Variants in NDUFV2 observed in about 807,000 individuals in gnomAD.
NDUFV2 encodes the protein NADH:ubiquinone oxidoreductase core subunit V2.
Under a neutral mutation model 31.6 loss-of-function variants are expected in NDUFV2, and 18 were observed. The observed-to-expected ratio is 0.57, with a 90% CI of 0.39 to 0.84. NDUFV2 has a LOEUF of 0.84. NDUFV2 is among the 40% of genes least tolerant of loss of function. The pLI is 0.00. For synonymous variants in NDUFV2, 83 were observed against 99.8 expected, an observed-to-expected ratio of 0.83 and a Z score of 1.01; for missense variants, 314 against 303.6, an observed-to-expected ratio of 1.03 and a Z score of -0.26.
chr18:9,119,926 C>T (rs899816762), intron 4 of NDUFV2, among the ~76,000 whole-genome samples: 31 of 151,572 alleles, frequency 2.0e-4, no homozygotes, highest in African/African-American at 7.5e-4. Flanking sequence ...AATATTTAAA[C>T]ACTAGAATTA....
intron 1 of NDUFV2, 148 bp downstream of exon 1, chr18:9,102,945 G>A: frequency 1.4e-6 from 1 of 727,560 alleles, no homozygotes; most frequent in Non-Finnish European, 2.1e-6. Context: ...CTCTTAGGGA[G>A]GCCGCTGCAG....
chr18:9,106,295 AC>A (rs1451571139), intron 1 of NDUFV2, among the ~76,000 whole-genome samples: 4 of 152,174 alleles, frequency 2.6e-5, no homozygotes, highest in Non-Finnish European at 5.9e-5. Flanking sequence ...TGAAGAAAAA[AC>A]AAAAACCTCA....
chr18:9,105,783 T>G (rs115993529), intron 1 of NDUFV2, among the ~76,000 whole-genome samples: 8 of 152,352 alleles, frequency 5.3e-5, no homozygotes, highest in African/African-American at 1.7e-4. Flanking sequence ...GACAGGCAAT[T>G]GTAAGTCAGC....
At chr18:9,106,985 G>GGGCCCA (rs1308311196) in intron 1 of NDUFV2, among the ~76,000 whole-genome samples, 1,584 of 152,242 alleles carry the variant, frequency 0.01, 36 homozygotes, top group African/African-American at 0.036. Context: ...GGCCCACCTA[G>GGGCCCA]ATAATCCAGG....
chr18:9,104,351 G>C lies in NDUFV2; in HGVS notation c.54+1554G>C, dbSNP rs139401813. ...GTCAGTGAAAGGTTTTAAAGTAGAG[G>C]AATAAGATGTGGTTTCTGTTTTGGA... On this transcript the variant is annotated intron_variant, in intron 1 of 7. Transcript: ENST00000318388. 179 of 1,498,572 alleles carry C rather than the reference G, an allele frequency of 1.2e-4. No individual in the cohort carries two copies. The African/African-American group carries it at 2.0e-3, about 16-fold the overall frequency. The allele number at this position is 1,498,572 out of a possible 1,614,324, so 92.8% of individuals were successfully genotyped here. A position where few individuals can be genotyped will look rare whatever the true frequency, so the allele number is the denominator to read the frequency against.
At chr18:9,114,974 G>A (rs2077890820) in intron 1 of NDUFV2, among the ~76,000 whole-genome samples, 1 of 152,038 alleles carries the variant, frequency 6.6e-6, no homozygotes, top group Non-Finnish European at 1.5e-5. Context: ...AATGAGAAAG[G>A]GATCAAATAT....
chr18:9,132,921 CT>C (rs915297127), intron 7 of NDUFV2, among the ~76,000 whole-genome samples: 10 of 151,918 alleles, frequency 6.6e-5, no homozygotes, highest in African/African-American at 1.9e-4. Context: ...ATACTGTTGT[CT>C]TTTTTTTAAA....
intron 1 of NDUFV2, among the ~76,000 whole-genome samples, chr18:9,117,159 C>A (rs2077902500): frequency 6.6e-6 from 1 of 151,990 alleles, no homozygotes; most frequent in South Asian, 2.1e-4. Context: ...GCCTAAGCCT[C>A]CCGAGTAGCT....
chr18:9,104,124 G>C (rs1207042846), intron 1 of NDUFV2: 3 of 1,611,138 alleles, frequency 1.9e-6, no homozygotes, highest in African/African-American at 2.7e-5. Flanking sequence ...CTAACAGATT[G>C]GGCATGGGGT....
intron 1 of NDUFV2, chr18:9,104,254 G>A (rs2077829950): frequency 5.6e-6 from 9 of 1,612,670 alleles, no homozygotes; most frequent in Non-Finnish European, 5.1e-6. Flanking sequence ...TGAAATAAGG[G>A]AGAGACAGGG....
Position 9,102,762 on chromosome 18 carries a change from C to G in NDUFV2, c.19C>G (p.Leu7Val), listed in dbSNP as rs771712491. The G allele has an allele frequency of 4.4e-6, 7 of 1,587,126 alleles. No homozygotes were observed. The East Asian group carries it at 1.6e-4, about 36-fold the overall frequency. The change falls in exon 1 of 8, where the codon CTC (leucine) becomes GTC (valine). Residue 7 changes from leucine (L) to valine (V), a missense_variant. Transcript: ENST00000318388. MFFSAA[L>V]RARAAGLTAH... Reference sequence around the variant, plus strand: ...GCCCGCCATGTTCTTCTCCGCGGCGCTCCGGGCCCGGGCGGCTGGCCTCAC... The same window carrying G: ...GCCCGCCATGTTCTTCTCCGCGGCGGTCCGGGCCCGGGCGGCTGGCCTCAC...
At chr18:9,129,400 A>G (rs986404393) in intron 7 of NDUFV2, among the ~76,000 whole-genome samples, 12 of 152,100 alleles carry the variant, frequency 7.9e-5, no homozygotes, top group Non-Finnish European at 1.0e-4. Context: ...TTTTTTCACA[A>G]ATTTTTTTGA....
intron 1 of NDUFV2, among the ~76,000 whole-genome samples, chr18:9,108,028 T>C (rs570047748): frequency 5.3e-5 from 8 of 152,302 alleles, no homozygotes; most frequent in African/African-American, 1.9e-4. Flanking sequence ...TATAAATTAT[T>C]CTTGTCCTTA....
chr18:9,103,117 A>T, intron 1 of NDUFV2: 1 of 404,660 alleles, frequency 2.5e-6, no homozygotes, highest in Non-Finnish European at 4.4e-6. Flanking sequence ...TGCTCTGGCC[A>T]GATCAGTTTC....
At chr18:9,122,899 T>C (rs1165098792) in intron 5 of NDUFV2, among the ~76,000 whole-genome samples, 1 of 152,240 alleles carries the variant, frequency 6.6e-6, no homozygotes, top group Non-Finnish European at 1.5e-5. Context: ...TTTTTTCTTT[T>C]TTAATCAGTA....
chr18:9,105,106 T>A, intron 1 of NDUFV2: 3 of 1,067,420 alleles, frequency 2.8e-6, no homozygotes, highest in Non-Finnish European at 3.7e-6. Flanking sequence ...TTCTATTACT[T>A]ATACAACCAG....
At position 9,117,423 on chromosome 18, in the gene NDUFV2, GT is replaced by G. The variant is rs1178107089; in HGVS notation, c.55-414del. 7.6e-5 allele frequency: 16 copies of G among 209,252 alleles called. No homozygotes were observed. The East Asian group carries it at 1.7e-3, about 23-fold the overall frequency. 13.0% of individuals were successfully genotyped at this position (209,252 alleles called of 1,614,324 possible). Reference sequence around the variant, plus strand: ...GATACAGTTGACTCATTTGTACAGAGTATATGACTCATTTGTACAGAATGAA... The same window carrying G: ...GATACAGTTGACTCATTTGTACAGAGATATGACTCATTTGTACAGAATGAA... On this transcript the variant is annotated intron_variant, in intron 1 of 7. Transcript: ENST00000318388.
chr18:9,124,447 CTTTTT>C (rs534490648), intron 5 of NDUFV2, among the ~76,000 whole-genome samples: 1 of 113,396 alleles, frequency 8.8e-6, no homozygotes, highest in Non-Finnish European at 1.9e-5. Flanking sequence ...TTTTAAAAAA[CTTTTT>C]TTTTTTTTTT....
chr18:9,123,334 T>G (rs1252696992), intron 5 of NDUFV2, among the ~76,000 whole-genome samples: 1 of 151,802 alleles, frequency 6.6e-6, no homozygotes, highest in African/African-American at 2.4e-5. Flanking sequence ...CCCAACACCA[T>G]CAAGGTATAA....
Sources: allele counts gnomAD v4.1 joint callset (sites outside exome capture counted in the v4.1 genomes callset), GRCh38; gene constraint gnomAD v4.1.1; transcripts MANE v1.5; gene names NCBI Gene and HGNC (gene_info 2026-07-23, HGNC 2026-07-21).